Variants in GPC6 observed in about 807,000 individuals in gnomAD.
GPC6 encodes glypican 6, also known as glypican-6.
A neutral mutation model predicts 55.2 loss-of-function variants in GPC6; 14 were observed. That is an observed-to-expected ratio of 0.25 (90% CI 0.17 to 0.40). GPC6 has a LOEUF of 0.40. Ranked by LOEUF, GPC6 falls within the 10% of genes least tolerant of loss-of-function variation. GPC6 has a pLI of 1.00. For missense variants in GPC6, 641 were observed against 708.5 expected, an observed-to-expected ratio of 0.90 and a Z score of 1.08; for synonymous variants, 278 against 259.6, an observed-to-expected ratio of 1.07 and a Z score of -0.68.
At chr13:93,649,646 TAAGTTTTATGA>T (rs1327754176) in intron 2 of GPC6, among the ~76,000 whole-genome samples, 1 of 152,198 alleles carries the variant, frequency 6.6e-6, no homozygotes, top group Non-Finnish European at 1.5e-5. Flanking sequence ...TAGCTTCTGT[TAAGTTTTATGA>T]AAGTTCTTTT....
intron 1 of GPC6, among the ~76,000 whole-genome samples, chr13:93,473,971 T>G (rs570995980): frequency 3.9e-5 from 6 of 152,162 alleles, no homozygotes; most frequent in Non-Finnish European, 7.4e-5. Flanking sequence ...CTGCCACTGC[T>G]GCTTCTTCAG....
chr13:93,516,171 A>G (rs189089244), intron 1 of GPC6, among the ~76,000 whole-genome samples: 470 of 152,300 alleles, frequency 3.1e-3, no homozygotes, highest in African/African-American at 0.01. Flanking sequence ...CTAGCCCATC[A>G]GTAAAAAGAG....
intron 3 of GPC6, among the ~76,000 whole-genome samples, chr13:93,944,761 T>C (rs114132007): frequency 0.031 from 4,754 of 152,314 alleles, 80 homozygotes; most frequent in Middle Eastern, 0.058. Context: ...TTTGCACATT[T>C]GATTATGGGC....
intron 1 of GPC6, among the ~76,000 whole-genome samples, chr13:93,348,611 A>G (rs1316505663): frequency 6.6e-6 from 1 of 152,210 alleles, no homozygotes; most frequent in African/African-American, 2.4e-5. Context: ...GCACCCAGAA[A>G]CAATTTCAGA....
chr13:93,960,970 G>A (rs901095748), intron 3 of GPC6, among the ~76,000 whole-genome samples: 5 of 151,800 alleles, frequency 3.3e-5, no homozygotes, highest in Admixed American at 2.0e-4. Context: ...CCGCCACCAC[G>A]TCCGGCTAAT....
intron 2 of GPC6, among the ~76,000 whole-genome samples, chr13:93,562,405 A>T (rs921050053): frequency 6.6e-6 from 1 of 152,178 alleles, no homozygotes; most frequent in African/African-American, 2.4e-5. Context: ...GAAACAGGAT[A>T]CTATCATGAG....
intron 4 of GPC6, among the ~76,000 whole-genome samples, chr13:94,171,190 C>G (rs866705935): frequency 6.6e-6 from 1 of 152,170 alleles, no homozygotes; most frequent in Non-Finnish European, 1.5e-5. Flanking sequence ...GATTCTGCTA[C>G]TGAAGTACTG....
chr13:93,228,359 C>T (rs1347805024), intron 1 of GPC6, among the ~76,000 whole-genome samples: 1 of 152,202 alleles, frequency 6.6e-6, no homozygotes, highest in Non-Finnish European at 1.5e-5. Context: ...GGTCTGGAGC[C>T]GGCCTCGTCT....
intron 4 of GPC6, among the ~76,000 whole-genome samples, chr13:94,251,202 A>G (rs143025966): frequency 1.3e-5 from 2 of 152,126 alleles, no homozygotes; most frequent in African/African-American, 4.8e-5. Flanking sequence ...AAACTAACAC[A>G]GGAACAGAAA....
chr13:93,444,560 T>G (rs890153154), intron 1 of GPC6, among the ~76,000 whole-genome samples: 6 of 152,116 alleles, frequency 3.9e-5, no homozygotes, highest in Middle Eastern at 3.2e-3. Flanking sequence ...TAAGCTGAGA[T>G]CGCGCCACTG....
chr13:94,049,465 GT>G (rs1883858195), intron 4 of GPC6, among the ~76,000 whole-genome samples: 1 of 152,048 alleles, frequency 6.6e-6, no homozygotes. Flanking sequence ...CTGGGACCTG[GT>G]TGAGCAAATA....
intron 4 of GPC6, among the ~76,000 whole-genome samples, chr13:94,144,553 G>GTA (rs1218704962): frequency 4.9e-5 from 1 of 20,352 alleles, no homozygotes; most frequent in Non-Finnish European, 1.4e-4. Flanking sequence ...GTGTATGTGT[G>GTA]TGTGTGTGTG....
chr13:93,451,412 G>T (rs1278519903), intron 1 of GPC6, among the ~76,000 whole-genome samples: 4 of 152,214 alleles, frequency 2.6e-5, no homozygotes, highest in African/African-American at 9.6e-5. Flanking sequence ...GTCTGGTTTT[G>T]TGTGGCCCAC....
At position 93,281,826 on chromosome 13, in the gene GPC6, A is replaced by G. The variant is rs1309977718; in HGVS notation, c.160+54210A>G. 2.6e-5 allele frequency among the ~76,000 whole-genome samples: 4 copies of G among 152,190 alleles called. No homozygotes were observed. In the East Asian group the frequency reaches 7.7e-4, roughly 29 times the overall value. On this transcript the variant is annotated intron_variant, in intron 1 of 8. Transcript: ENST00000377047. ...GTGAGACTCCATCTCAAAAAACAAA[A>G]CAAAAAAGAAAGAACAGAACTCCAA...
chr13:94,098,988 T>C (rs1422804417), intron 4 of GPC6, among the ~76,000 whole-genome samples: 1 of 152,130 alleles, frequency 6.6e-6, no homozygotes, highest in African/African-American at 2.4e-5. Context: ...GCAGTCTACA[T>C]GAATGCATGA....
chr13:93,540,866 A>G (rs1225010607), intron 1 of GPC6, among the ~76,000 whole-genome samples: 3 of 151,988 alleles, frequency 2.0e-5, no homozygotes, highest in South Asian at 4.1e-4. Flanking sequence ...CCCAGCCTCT[A>G]GTATCCTCTG....
chr13:94,101,577 T>C (rs1885862480), intron 4 of GPC6, among the ~76,000 whole-genome samples: 1 of 152,206 alleles, frequency 6.6e-6, no homozygotes, highest in South Asian at 2.1e-4. Context: ...ATATTCTCCT[T>C]ATATGAAAGG....
intron 2 of GPC6, among the ~76,000 whole-genome samples, chr13:93,686,945 T>A (rs1230163430): frequency 1.3e-5 from 2 of 152,076 alleles, no homozygotes; most frequent in Admixed American, 6.6e-5. Flanking sequence ...ATTGAGCATA[T>A]TATCCCATTG....
chr13:93,555,938 TG>T (rs1047400926), intron 2 of GPC6, among the ~76,000 whole-genome samples: 2 of 152,170 alleles, frequency 1.3e-5, no homozygotes, highest in African/African-American at 4.8e-5. Context: ...GATGTAGAGC[TG>T]GGGCAAAGAA....
Sources: allele counts gnomAD v4.1 joint callset (sites outside exome capture counted in the v4.1 genomes callset), GRCh38; gene constraint gnomAD v4.1.1; transcripts MANE v1.5; gene names NCBI Gene and HGNC (gene_info 2026-07-23, HGNC 2026-07-21).